CTNNA2: variants seen among roughly 807,000 people sequenced by gnomAD.
The protein encoded by CTNNA2 is catenin alpha 2.
A neutral mutation model predicts 101.0 loss-of-function variants in CTNNA2; 42 were observed. That is an observed-to-expected ratio of 0.42 (90% confidence interval 0.32 to 0.54). The LOEUF is 0.54. Among genes scored for constraint, CTNNA2 ranks in the 20% least tolerant of loss-of-function variants. The pLI is 0.14. For missense variants in CTNNA2, 871 were observed against 1,223.1 expected, an observed-to-expected ratio of 0.71 and a Z score of 4.29; for synonymous variants, 450 against 456.4, an observed-to-expected ratio of 0.99 and a Z score of 0.18.
chr2:79,364,325 C>T (rs1020377441), intron 3 of CTNNA2, among the ~76,000 whole-genome samples: 1 of 152,142 alleles, frequency 6.6e-6, no homozygotes, highest in Non-Finnish European at 1.5e-5. Flanking sequence ...AGTGTATATT[C>T]AATGAGCAGC....
chr2:79,365,196 G>A (rs532049201), intron 3 of CTNNA2, among the ~76,000 whole-genome samples: 9 of 151,800 alleles, frequency 5.9e-5, no homozygotes, highest in Non-Finnish European at 1.2e-4. Flanking sequence ...AGAATTGCTC[G>A]AACCCAGGAG....
chr2:80,549,089 G>A (rs1321550605), intron 11 of CTNNA2, among the ~76,000 whole-genome samples: 4 of 152,086 alleles, frequency 2.6e-5, no homozygotes, highest in Non-Finnish European at 4.4e-5. Context: ...CATTACAGGA[G>A]CAAAACCAAT....
intron 4 of CTNNA2, among the ~76,000 whole-genome samples, chr2:79,392,220 C>T (rs1007885712): frequency 1.3e-5 from 2 of 152,188 alleles, no homozygotes; most frequent in African/African-American, 2.4e-5. Flanking sequence ...GTGCTTCTCA[C>T]ACTTCAGTAT....
intron 3 of CTNNA2, among the ~76,000 whole-genome samples, chr2:79,782,806 G>A (rs974575606): frequency 3.9e-5 from 6 of 152,132 alleles, no homozygotes; most frequent in African/African-American, 1.4e-4. Context: ...GGCCTCGCAA[G>A]GGGAAGAGTG....
intron 1 of CTNNA2, among the ~76,000 whole-genome samples, chr2:79,614,713 C>G (rs972847798): frequency 6.6e-6 from 1 of 152,076 alleles, no homozygotes; most frequent in Non-Finnish European, 1.5e-5. Flanking sequence ...TTGATTATCT[C>G]TTCATATGCA....
intron 9 of CTNNA2, among the ~76,000 whole-genome samples, chr2:80,508,917 C>T (rs1351165694): frequency 6.6e-6 from 1 of 152,128 alleles, no homozygotes; most frequent in Non-Finnish European, 1.5e-5. Context: ...GACACATCCT[C>T]ATTTTATTCT....
chr2:79,828,935 C>T (rs911727738), intron 3 of CTNNA2, among the ~76,000 whole-genome samples: 6 of 152,084 alleles, frequency 3.9e-5, no homozygotes, highest in Non-Finnish European at 7.4e-5. Flanking sequence ...AGGTAAACTG[C>T]CCACATTGAT....
chr2:79,986,329 C>T (rs1282218710), intron 7 of CTNNA2, among the ~76,000 whole-genome samples: 1 of 152,124 alleles, frequency 6.6e-6, no homozygotes, highest in African/African-American at 2.4e-5. Flanking sequence ...TTCCTCTTTA[C>T]TTTGTAACCA....
Position 79,834,626 on chromosome 2 carries a change from A to G in CTNNA2, c.299-23387A>G, listed in dbSNP as rs191783905. On this transcript the variant is annotated intron_variant, in intron 3 of 18. Coordinates refer to ENST00000402739, the MANE Select transcript of CTNNA2 (RefSeq NM_001282597.3). The stretch of plus-strand genomic sequence containing the variant: ...TTACATTTTCATATTCAAACTTTGT[A>G]TTTTATGTACTATTTTTTGCAAATA... 1.2e-4 allele frequency among the ~76,000 whole-genome samples: 9 copies of G among 78,022 alleles called. No individual in the cohort carries two copies. In the East Asian group the frequency reaches 3.0e-3, roughly 26 times the overall value. 51.2% of individuals were successfully genotyped at this position (78,022 alleles called of 152,430 possible). A position where few individuals can be genotyped will look rare whatever the true frequency, so the allele number is the denominator to read the frequency against.
intron 2 of CTNNA2, among the ~76,000 whole-genome samples, chr2:79,736,460 T>A (rs1191963084): frequency 1.3e-5 from 2 of 152,216 alleles, no homozygotes; most frequent in African/African-American, 4.8e-5. Context: ...AGATTTCTCC[T>A]TAGAAGCTTG....
chr2:79,706,468 C>T (rs987195375), intron 2 of CTNNA2, among the ~76,000 whole-genome samples: 27 of 151,814 alleles, frequency 1.8e-4, no homozygotes, highest in Non-Finnish European at 3.1e-4. Context: ...AACCTTTCAC[C>T]AACAAAGATT....
intron 16 of CTNNA2, among the ~76,000 whole-genome samples, chr2:80,606,412 A>ACACACAC (rs1011187162): frequency 6.2e-5 from 3 of 48,652 alleles, no homozygotes; most frequent in African/African-American, 3.6e-4. Context: ...ACACACACAC[A>ACACACAC]CCCCCCAGGA....
At chr2:80,481,028 A>G (rs1242869413) in intron 9 of CTNNA2, among the ~76,000 whole-genome samples, 5 of 152,148 alleles carry the variant, frequency 3.3e-5, no homozygotes, top group East Asian at 1.9e-4. Flanking sequence ...GCAAAATGCA[A>G]TGTCCATCCA....
chr2:79,987,085 CT>C (rs34201114), intron 7 of CTNNA2, among the ~76,000 whole-genome samples: 1 of 152,252 alleles, frequency 6.6e-6, no homozygotes, highest in Non-Finnish European at 1.5e-5. Context: ...TGTGGAACCA[CT>C]TTTTTTCCCC....
intron 2 of CTNNA2, among the ~76,000 whole-genome samples, chr2:79,676,199 T>A (rs1035477711): frequency 6.6e-6 from 1 of 152,172 alleles, no homozygotes; most frequent in African/African-American, 2.4e-5. Context: ...TAAATAAATA[T>A]CTATATAGCT....
intron 7 of CTNNA2, among the ~76,000 whole-genome samples, chr2:80,380,016 G>A (rs143625756): frequency 2.3e-4 from 32 of 140,102 alleles, no homozygotes; most frequent in African/African-American, 8.6e-4. Flanking sequence ...GTCTTGCACT[G>A]TTCGAGATGT....
At chr2:80,505,367 G>A (rs1253984755) in intron 9 of CTNNA2, among the ~76,000 whole-genome samples, 2 of 152,084 alleles carry the variant, frequency 1.3e-5, no homozygotes, top group Non-Finnish European at 2.9e-5. Flanking sequence ...AACTTGGAGC[G>A]AGTAACTAAC....
At chr2:80,017,695 G>A (rs759024147) in intron 7 of CTNNA2, among the ~76,000 whole-genome samples, 136 of 152,092 alleles carry the variant, frequency 8.9e-4, no homozygotes, top group South Asian at 2.3e-3. Flanking sequence ...TCCTTGTCTC[G>A]GAAGGCCTGG....
At chr2:80,570,094 G>C (rs935286534) in intron 12 of CTNNA2, among the ~76,000 whole-genome samples, 3 of 152,116 alleles carry the variant, frequency 2.0e-5, no homozygotes, top group Non-Finnish European at 2.9e-5. Flanking sequence ...TGTTGCCCAG[G>C]CTGAAGTTCA....
Sources: gnomAD v4.1 joint callset for allele counts (sites outside exome capture counted in the v4.1 genomes callset) on GRCh38, gnomAD v4.1.1 for gene constraint, MANE v1.5 for transcripts, NCBI Gene and HGNC (gene_info 2026-07-23, HGNC 2026-07-21) for gene names.